MAGI1: variants seen among roughly 807,000 people sequenced by gnomAD.
MAGI1 encodes membrane associated guanylate kinase, WW and PDZ domain containing 1.
In MAGI1, 58 loss-of-function variants were observed where a neutral mutation model predicts 139.9. That is an observed-to-expected ratio of 0.41 (90% CI 0.34 to 0.52). The LOEUF is 0.52. Ranked by LOEUF, MAGI1 falls within the 20% of genes least tolerant of loss-of-function variation. MAGI1 has a pLI of 0.12. For synonymous variants in MAGI1, 812 were observed against 737.9 expected (o/e 1.10, Z -1.63); for missense variants, 1,874 against 1,901.6 (o/e 0.99, Z 0.27).
rs537116164 is a variant in MAGI1, at chr3:65,469,566, A to T, written c.959+717T>A. ...TTCCTGTCTCTCTGTTCTCAAACCT[A>T]ATTCATACACCTTGCACCATGGAAA... On this transcript the variant is annotated intron_variant, in intron 5 of 22. Transcript: ENST00000402939. 3.3e-5 allele frequency among the ~76,000 whole-genome samples: 5 copies of T among 152,082 alleles called. No individual in the cohort carries two copies. In the East Asian group the frequency reaches 7.7e-4, roughly 24 times the overall value.
chr3:65,552,259 G>GGTGGGTGT (rs1553666646), intron 2 of MAGI1, among the ~76,000 whole-genome samples: 1 of 147,940 alleles, frequency 6.8e-6, no homozygotes, highest in Non-Finnish European at 1.5e-5. Context: ...TGTGTATAGG[G>GGTGGGTGT]GTGTGTGTGT....
At chr3:65,463,969 GA>G (rs1311615610) in intron 5 of MAGI1, among the ~76,000 whole-genome samples, 3 of 152,254 alleles carry the variant, frequency 2.0e-5, no homozygotes, top group African/African-American at 7.2e-5. Flanking sequence ...GATCAGTGGT[GA>G]TATCCCCTTT....
chr3:65,979,094 C>A (rs1480182496), intron 1 of MAGI1, among the ~76,000 whole-genome samples: 1 of 53,018 alleles, frequency 1.9e-5, no homozygotes, highest in Non-Finnish European at 4.5e-5. Context: ...TTCTTCCCCC[C>A]CCCCGCCACC....
At chr3:65,373,089 C>T (rs560140590) in intron 18 of MAGI1, among the ~76,000 whole-genome samples, 4 of 152,200 alleles carry the variant, frequency 2.6e-5, no homozygotes, top group Non-Finnish European at 5.9e-5. Flanking sequence ...CATGAGGGAT[C>T]TAGCTTTTGG....
At chr3:65,396,630 G>A (rs1944411883) in intron 13 of MAGI1, among the ~76,000 whole-genome samples, 1 of 152,192 alleles carries the variant, frequency 6.6e-6, no homozygotes, top group Non-Finnish European at 1.5e-5. Context: ...ATGATGAAAA[G>A]AATTCATGTG....
At chr3:65,556,825 C>T (rs556963247) in intron 2 of MAGI1, among the ~76,000 whole-genome samples, 1 of 152,272 alleles carries the variant, frequency 6.6e-6, no homozygotes, top group Admixed American at 6.5e-5. Context: ...CTTAATATGA[C>T]CTAAAAGGAC....
At chr3:65,667,581 T>C (rs1466201210) in intron 1 of MAGI1, among the ~76,000 whole-genome samples, 1 of 152,142 alleles carries the variant, frequency 6.6e-6, no homozygotes, top group African/African-American at 2.4e-5. Context: ...TTTTATTTTA[T>C]TATTTTATGA....
chr3:65,862,147 T>C (rs2059577345), intron 1 of MAGI1, among the ~76,000 whole-genome samples: 1 of 152,200 alleles, frequency 6.6e-6, no homozygotes, highest in South Asian at 2.1e-4. Context: ...AAAGGTAACA[T>C]TGCCTAGCAA....
chr3:65,883,352 C>T lies in MAGI1; in HGVS notation c.313+154644G>A, dbSNP rs200262704. On this transcript the variant is annotated intron_variant, in intron 1 of 22. Coordinates refer to ENST00000402939, the MANE Select transcript of MAGI1 (RefSeq NM_001033057.2). ...AGAAGTTGTACTAGCAAATTCCAGT[C>T]TAAAAGAAGTAAAATCAAATAATTC... Among the ~76,000 whole-genome samples, 3 of 152,072 alleles carry T rather than the reference C, an allele frequency of 2.0e-5. No homozygotes were observed. In the East Asian group the frequency reaches 5.8e-4, roughly 29 times the overall value.
At chr3:65,382,911 A>C (rs1943168668) in intron 15 of MAGI1, among the ~76,000 whole-genome samples, 1 of 152,214 alleles carries the variant, frequency 6.6e-6, no homozygotes, top group African/African-American at 2.4e-5. Context: ...CGCTCGATGA[A>C]TAATGGCTGT....
intron 1 of MAGI1, among the ~76,000 whole-genome samples, chr3:65,787,251 C>CT (rs1180702325): frequency 6.6e-6 from 1 of 152,044 alleles, no homozygotes. Flanking sequence ...GAAGGATGAG[C>CT]TTTTACAGAC....
intron 1 of MAGI1, among the ~76,000 whole-genome samples, chr3:65,935,240 C>T (rs190725329): frequency 6.6e-6 from 1 of 152,034 alleles, no homozygotes; most frequent in Non-Finnish European, 1.5e-5. Flanking sequence ...AGCTGGAGAA[C>T]AAGGTGAGTT....
chr3:65,777,192 C>G (rs1188444242), intron 1 of MAGI1, among the ~76,000 whole-genome samples: 1 of 152,110 alleles, frequency 6.6e-6, no homozygotes, highest in Admixed American at 6.6e-5. Flanking sequence ...TTTTGAGAAG[C>G]AAACATACAG....
At chr3:65,413,307 G>A (rs540869117) in intron 12 of MAGI1, among the ~76,000 whole-genome samples, 5 of 152,254 alleles carry the variant, frequency 3.3e-5, no homozygotes, top group Admixed American at 2.0e-4. Flanking sequence ...ACCATATCAA[G>A]CTTTACTCCA....
At chr3:65,457,919 T>G (rs1413059745) in intron 5 of MAGI1, among the ~76,000 whole-genome samples, 1 of 152,168 alleles carries the variant, frequency 6.6e-6, no homozygotes, top group Non-Finnish European at 1.5e-5. Flanking sequence ...TTTGTAGCCA[T>G]TAACCATCTC....
intron 1 of MAGI1, among the ~76,000 whole-genome samples, chr3:65,728,373 C>T (rs959705825): frequency 6.6e-6 from 1 of 152,148 alleles, no homozygotes; most frequent in African/African-American, 2.4e-5. Context: ...TCATAGAGCC[C>T]ATGGTATGGA....
intron 1 of MAGI1, among the ~76,000 whole-genome samples, chr3:65,792,637 T>C (rs1354478536): frequency 6.6e-6 from 1 of 152,080 alleles, no homozygotes; most frequent in Non-Finnish European, 1.5e-5. Flanking sequence ...TCCCACCTGA[T>C]CTGATCAGCT....
At chr3:65,884,502 A>AGGG in intron 1 of MAGI1, among the ~76,000 whole-genome samples, 1 of 152,260 alleles carries the variant, frequency 6.6e-6, no homozygotes, top group African/African-American at 2.4e-5. Context: ...GGAAGAATAC[A>AGGG]TTTAAGACAA....
At chr3:65,842,299 T>C (rs1416515133) in intron 1 of MAGI1, among the ~76,000 whole-genome samples, 1 of 152,130 alleles carries the variant, frequency 6.6e-6, no homozygotes, top group African/African-American at 2.4e-5. Flanking sequence ...AGTAAAGGAA[T>C]TCACACCTGT....
Sources: gnomAD v4.1 joint callset for allele counts (sites outside exome capture counted in the v4.1 genomes callset) on GRCh38, gnomAD v4.1.1 for gene constraint, MANE v1.5 for transcripts, NCBI Gene and HGNC (gene_info 2026-07-23, HGNC 2026-07-21) for gene names.